NRXN3: variants seen among roughly 807,000 people sequenced by gnomAD.
NRXN3 encodes neurexin 3, also known as neurexin III.
In NRXN3, 32 loss-of-function variants were observed where a neutral mutation model predicts 137.6. The ratio of observed to expected loss-of-function variants is 0.23; its 90% CI spans 0.18 to 0.31. The LOEUF is 0.31. Among genes scored for constraint, NRXN3 ranks in the 10% least tolerant of loss-of-function variants. The pLI is 1.00. For synonymous variants in NRXN3, 798 were observed against 784.5 expected (o/e 1.02, Z -0.29); for missense variants, 1,574 against 2,062.5 (o/e 0.76, Z 4.59).
At chr14:78,602,052 G>C (rs562520084) in intron 4 of NRXN3, among the ~76,000 whole-genome samples, 1 of 152,284 alleles carries the variant, frequency 6.6e-6, no homozygotes, top group South Asian at 2.1e-4. Flanking sequence ...AAGATTTGCT[G>C]TTCTGCATGC....
At chr14:78,604,640 C>T (rs1240425291) in intron 4 of NRXN3, among the ~76,000 whole-genome samples, 2 of 152,080 alleles carry the variant, frequency 1.3e-5, no homozygotes, top group Non-Finnish European at 2.9e-5. Flanking sequence ...TTTAGAGATC[C>T]CCTTCATTCT....
intron 10 of NRXN3, among the ~76,000 whole-genome samples, chr14:78,894,061 G>T (rs1377475294): frequency 6.6e-6 from 1 of 151,946 alleles, no homozygotes; most frequent in Non-Finnish European, 1.5e-5. Context: ...CCTTGATATT[G>T]ACGGCTGCTC....
chr14:79,770,839 G>C (rs1040561207), intron 19 of NRXN3, among the ~76,000 whole-genome samples: 1 of 151,850 alleles, frequency 6.6e-6, no homozygotes, highest in Non-Finnish European at 1.5e-5. Context: ...TCCAGGAGCT[G>C]GTTTTTTGAA....
intron 15 of NRXN3, among the ~76,000 whole-genome samples, chr14:79,015,482 T>A (rs2099577763): frequency 6.6e-6 from 1 of 152,138 alleles, no homozygotes. Context: ...AGACAACCCA[T>A]GGGTCTTGGT....
chr14:78,334,124 T>G (rs1295661815), intron 4 of NRXN3, among the ~76,000 whole-genome samples: 1 of 152,058 alleles, frequency 6.6e-6, no homozygotes, highest in Non-Finnish European at 1.5e-5. Context: ...GAGGAGACAA[T>G]TTACAGGGAA....
chr14:79,256,857 G>A (rs1044351762), intron 15 of NRXN3, among the ~76,000 whole-genome samples: 1 of 152,070 alleles, frequency 6.6e-6, no homozygotes, highest in Non-Finnish European at 1.5e-5. Flanking sequence ...TGTTTAAAGT[G>A]TGTGTGTGTG....
chr14:79,524,488 G>T (rs1286409495), intron 16 of NRXN3, among the ~76,000 whole-genome samples: 1 of 152,108 alleles, frequency 6.6e-6, no homozygotes, highest in African/African-American at 2.4e-5. Context: ...CTGGACAAAG[G>T]ATATGATGAT....
chr14:79,854,136 T>C (rs535284488), intron 20 of NRXN3: 1 of 982,330 alleles, frequency 1.0e-6, no homozygotes, highest in East Asian at 1.1e-4. Context: ...GTGGCAATTC[T>C]ATTTGTCCAA....
chr14:78,243,534 G>C lies in NRXN3; in HGVS notation c.441G>C (p.Leu147Phe). The change falls in exon 2 of 21, where the codon TTG (leucine) becomes TTC (phenylalanine). Residue 147 changes from leucine (L) to phenylalanine (F), a missense_variant. This residue lies in a region of NRXN3 where 400 missense variants were observed against 527.3 expected (regional missense o/e 0.76). Coordinates refer to ENST00000335750, the MANE Select transcript of NRXN3 (RefSeq NM_001330195.2). This position sits in a 1 kb window ranked among gnomAD's most constrained non-coding sequence, Gnocchi z 4.2. ...CCTACATGGATGTGGTCAGTGACTTGTTCCTTGGTGGAGTCCCTACTGACA... is the reference window on the plus strand; with the variant it reads ...CCTACATGGATGTGGTCAGTGACTTCTTCCTTGGTGGAGTCCCTACTGACA... ...QRPYMDVVSDLFLGGVPTDIR... is the reference protein window; with the variant it reads ...QRPYMDVVSDFFLGGVPTDIR... 4 of 1,597,314 alleles carry C rather than the reference G, an allele frequency of 2.5e-6. No individual in the cohort carries two copies. The highest frequency in any genetic ancestry group is 3.4e-6 in the Non-Finnish European group (4 of 1,179,316).
At chr14:79,129,163 G>A (rs1239989200) in intron 15 of NRXN3, among the ~76,000 whole-genome samples, 1 of 151,862 alleles carries the variant, frequency 6.6e-6, no homozygotes, top group Non-Finnish European at 1.5e-5. Context: ...AGGGTTTTTT[G>A]TGTCTCTATT....
intron 15 of NRXN3, among the ~76,000 whole-genome samples, chr14:79,377,921 A>T (rs1273748236): frequency 6.6e-6 from 1 of 152,204 alleles, no homozygotes; most frequent in Non-Finnish European, 1.5e-5. Flanking sequence ...GATATCAGTT[A>T]TACAGGTTGA....
chr14:78,300,871 C>A (rs2153530459), intron 4 of NRXN3, among the ~76,000 whole-genome samples: 1 of 152,296 alleles, frequency 6.6e-6, no homozygotes, highest in Non-Finnish European at 1.5e-5. Flanking sequence ...CAGTGCATTT[C>A]ATGTTCAGTG....
At chr14:78,660,261 A>ATATG (rs1216130330) in intron 6 of NRXN3, among the ~76,000 whole-genome samples, 2 of 149,610 alleles carry the variant, frequency 1.3e-5, no homozygotes, top group African/African-American at 5.0e-5. Context: ...ATTTATATAT[A>ATATG]TATATATATA....
At chr14:79,860,829 A>G (rs1388511283) in intron 20 of NRXN3, among the ~76,000 whole-genome samples, 1 of 152,184 alleles carries the variant, frequency 6.6e-6, no homozygotes, top group Non-Finnish European at 1.5e-5. Context: ...GTATCTTTAA[A>G]AAATCTAAGC....
intron 4 of NRXN3, among the ~76,000 whole-genome samples, chr14:78,438,332 G>A (rs1298725146): frequency 6.6e-6 from 1 of 152,088 alleles, no homozygotes; most frequent in African/African-American, 2.4e-5. Context: ...GGAATATATA[G>A]CAAAAATAAA....
At chr14:78,197,707 C>T (rs941873321) in intron 1 of NRXN3, among the ~76,000 whole-genome samples, 2 of 152,198 alleles carry the variant, frequency 1.3e-5, no homozygotes, top group Admixed American at 6.5e-5. Context: ...CCCTGACATG[C>T]CCCTCCATGG....
At chr14:78,910,412 A>T (rs781757217) in intron 10 of NRXN3, among the ~76,000 whole-genome samples, 2 of 152,062 alleles carry the variant, frequency 1.3e-5, no homozygotes, top group Non-Finnish European at 2.9e-5. Context: ...TGTCATGAAT[A>T]TTTCCCTGCT....
At chr14:79,724,509 A>G (rs576005536) in intron 19 of NRXN3, among the ~76,000 whole-genome samples, 5 of 151,982 alleles carry the variant, frequency 3.3e-5, no homozygotes, top group African/African-American at 7.2e-5. Context: ...TTGAAAAGGA[A>G]TGTATGGAGG....
intron 15 of NRXN3, among the ~76,000 whole-genome samples, chr14:79,166,530 AT>A (rs1398422704): frequency 3.3e-5 from 5 of 150,252 alleles, no homozygotes; most frequent in Non-Finnish European, 7.4e-5. Flanking sequence ...GAAAATGCTC[AT>A]TTTTTGTTTA....
Sources: gnomAD v4.1 joint callset for allele counts (sites outside exome capture counted in the v4.1 genomes callset) on GRCh38, gnomAD v4.1.1 for gene constraint, gnomAD v4.1.1 regional missense constraint, Gnocchi (gnomAD v3.1) non-coding constraint, MANE v1.5 for transcripts, NCBI Gene and HGNC (gene_info 2026-07-23, HGNC 2026-07-21) for gene names.